The following TANGO6 variants were observed in gnomAD, a reference collection of about 807,000 sequenced individuals.
TANGO6 encodes the protein transport and golgi organization 6 homolog.
A neutral mutation model predicts 114.2 loss-of-function variants in TANGO6; 90 were observed. The ratio of observed to expected loss-of-function variants is 0.79; its 90% confidence interval spans 0.66 to 0.94. The LOEUF (loss-of-function observed/expected upper bound fraction) is 0.94, where lower values mean the gene tolerates loss of function less well. Ranked by LOEUF, TANGO6 falls within the 40% of genes least tolerant of loss-of-function variation. TANGO6 has a pLI of 0.00. For synonymous variants in TANGO6, 477 were observed against 509.8 expected, an observed-to-expected ratio of 0.94 and a Z score of 0.87; for missense variants, 1,274 against 1,315.3, an observed-to-expected ratio of 0.97 and a Z score of 0.49.
chr16:68,965,661 T>G (rs1963637943), intron 14 of TANGO6, among the ~76,000 whole-genome samples: 1 of 151,662 alleles, frequency 6.6e-6, no homozygotes, highest in Non-Finnish European at 1.5e-5. Context: ...ATTAGCCAGG[T>G]GTGGTGGCAT....
intron 17 of TANGO6, among the ~76,000 whole-genome samples, chr16:69,063,223 A>G (rs74701796): frequency 4.7e-5 from 1 of 21,374 alleles, no homozygotes; most frequent in African/African-American, 1.2e-4. Flanking sequence ...ACTTCGTCTG[A>G]AAAAAAAAAA....
intron 16 of TANGO6, among the ~76,000 whole-genome samples, chr16:69,036,485 C>G (rs918425559): frequency 2.6e-5 from 4 of 152,154 alleles, no homozygotes; most frequent in Admixed American, 2.6e-4. Flanking sequence ...CCCAAATGCT[C>G]TTCTGTTCTC....
Position 69,085,032 on chromosome 16 carries a change from T to A in TANGO6, c.*1371T>A, listed in dbSNP as rs780596628. The A allele has an allele frequency of 6.6e-6, 1 of 152,330 alleles. No individual in the cohort carries two copies. Among genetic ancestry groups the A allele is most frequent in the Non-Finnish European group, 1.5e-5 (1 of 68,026 alleles). The allele number at this position is 152,330 out of a possible 1,614,324, so 9.4% of individuals were successfully genotyped here. A position where few individuals can be genotyped will look rare whatever the true frequency, so the allele number is the denominator to read the frequency against. ...TCTAGCTAGGTGTGTTTAAGGAATA[T>A]TTCCATTCAGCTAGTGTAGCTGGAT... is the stretch of plus-strand genomic sequence containing the variant. On this transcript the variant is annotated 3_prime_UTR_variant, in exon 18 of 18. Transcript: ENST00000261778.
At chr16:68,866,763 C>T (rs929557087) in intron 3 of TANGO6, among the ~76,000 whole-genome samples, 1 of 152,026 alleles carries the variant, frequency 6.6e-6, no homozygotes, top group African/African-American at 2.4e-5. Context: ...ATGGTGAAAC[C>T]CCATCTCTAC....
chr16:69,070,746 ATATTATTATTATTATTAT>A (rs145226838), intron 17 of TANGO6, among the ~76,000 whole-genome samples: 3 of 141,752 alleles, frequency 2.1e-5, no homozygotes, highest in South Asian at 4.6e-4. Flanking sequence ...GCAAGAATCA[ATATTATTATTATTATTAT>A]TATTATTATT....
At chr16:68,899,984 C>T (rs1036747374) in intron 7 of TANGO6, among the ~76,000 whole-genome samples, 1 of 152,110 alleles carries the variant, frequency 6.6e-6, no homozygotes, top group Non-Finnish European at 1.5e-5. Flanking sequence ...AGTGATGAAA[C>T]TGGAGTAAGC....
At position 68,902,498 on chromosome 16, in the gene TANGO6, C is replaced by G; in HGVS notation, c.1661C>G (p.Ala554Gly). ...GGCATTATGATTACCATCAAAGAGG[C>G]CATTAGGTGAGTCCACCCATCCGTT... ...QGGIMITIKE[A>G]ISDEDEDEAL... Residue 554 changes from alanine (A) to glycine (G), a missense_variant, in exon 9 of 18, where the codon GCC (alanine) becomes GGC (glycine). By Grantham distance (60) the Ala-to-Gly change is moderately conservative. This residue lies in a region of TANGO6 where 908 missense variants were observed against 910.2 expected (regional missense o/e 1.00). Transcript: ENST00000261778. 6.2e-7 allele frequency: 1 copy of G among 1,608,254 alleles called. No homozygotes were observed. The highest frequency in any genetic ancestry group is 8.5e-7 in the Non-Finnish European group (1 of 1,177,738).
intron 14 of TANGO6, 52 bp from the exon 15 acceptor site, chr16:68,973,976 G>C: frequency 6.4e-7 from 1 of 1,554,754 alleles, no homozygotes; most frequent in South Asian, 1.2e-5. Context: ...TGGTTTATTT[G>C]CCTTTTGATC....
chr16:69,012,332 G>A (rs549226854), intron 15 of TANGO6, among the ~76,000 whole-genome samples: 81 of 152,094 alleles, frequency 5.3e-4, no homozygotes, highest in East Asian at 3.3e-3. Context: ...CGAGGTGGTC[G>A]GATCACCTGA....
At chr16:69,012,097 C>T (rs1238688870) in intron 15 of TANGO6, among the ~76,000 whole-genome samples, 2 of 152,162 alleles carry the variant, frequency 1.3e-5, no homozygotes, top group Admixed American at 1.3e-4. Context: ...GTGCTGACTT[C>T]CTGAGAATAG....
chr16:68,882,419 C>T (rs1962475999), intron 7 of TANGO6, among the ~76,000 whole-genome samples: 1 of 151,926 alleles, frequency 6.6e-6, no homozygotes, highest in African/African-American at 2.4e-5. Flanking sequence ...ATGGCGTGAA[C>T]CTGGAAGGCA....
At chr16:69,010,584 A>C (rs1964134449) in intron 15 of TANGO6, among the ~76,000 whole-genome samples, 1 of 152,102 alleles carries the variant, frequency 6.6e-6, no homozygotes, top group Admixed American at 6.6e-5. Context: ...AGCTCCGTCT[A>C]CCTGAAGCAA....
chr16:68,990,587 C>T (rs531711780), intron 15 of TANGO6, among the ~76,000 whole-genome samples: 40 of 151,972 alleles, frequency 2.6e-4, no homozygotes, highest in Non-Finnish European at 5.3e-4. Flanking sequence ...TTGTATATTT[C>T]GTAGAGACAG....
intron 15 of TANGO6, among the ~76,000 whole-genome samples, chr16:69,014,912 GAAAA>G: frequency 6.8e-6 from 1 of 146,040 alleles, no homozygotes; most frequent in African/African-American, 2.5e-5. Flanking sequence ...AAAAAAAAAA[GAAAA>G]AGAAAAGACA....
At chr16:69,064,204 T>C (rs1054933818) in intron 17 of TANGO6, among the ~76,000 whole-genome samples, 2 of 152,150 alleles carry the variant, frequency 1.3e-5, no homozygotes, top group African/African-American at 4.8e-5. Flanking sequence ...CATGCGTATA[T>C]TAGCACATAA....
chr16:69,023,693 C>T (rs971046201), intron 16 of TANGO6, among the ~76,000 whole-genome samples: 1 of 151,872 alleles, frequency 6.6e-6, no homozygotes, highest in South Asian at 2.1e-4. Context: ...TCTAATTGAC[C>T]CTCTTTGGCC....
chr16:68,882,451 C>T (rs573831735), intron 7 of TANGO6, among the ~76,000 whole-genome samples: 11 of 151,286 alleles, frequency 7.3e-5, no homozygotes, highest in African/African-American at 1.5e-4. Context: ...GAGCCGAGAT[C>T]GCACCACTGC....
At chr16:69,021,790 A>G (rs8047009) in intron 15 of TANGO6, among the ~76,000 whole-genome samples, 1 of 151,884 alleles carries the variant, frequency 6.6e-6, no homozygotes, top group South Asian at 2.1e-4. Flanking sequence ...TTGTGTGACC[A>G]TGGGCTAATT....
intron 12 of TANGO6, among the ~76,000 whole-genome samples, chr16:68,922,987 G>A (rs1963117247): frequency 8.7e-6 from 1 of 114,728 alleles, no homozygotes; most frequent in Non-Finnish European, 1.6e-5. Flanking sequence ...TTCGCTCGTT[G>A]CCCAGGCTGG....
Sources: gnomAD v4.1 joint callset for allele counts (sites outside exome capture counted in the v4.1 genomes callset) on GRCh38, gnomAD v4.1.1 for gene constraint, gnomAD v4.1.1 regional missense constraint, MANE v1.5 for transcripts, NCBI Gene and HGNC (gene_info 2026-07-23, HGNC 2026-07-21) for gene names.